PTER: variants seen among roughly 807,000 people sequenced by gnomAD.
The protein encoded by PTER is N-acetyltaurine hydrolase.
In PTER, 38 loss-of-function variants were observed where a neutral mutation model predicts 29.6. The ratio of observed to expected loss-of-function variants is 1.28; its 90% CI spans 0.99 to 1.68. The LOEUF (loss-of-function observed/expected upper bound fraction) is 1.68, where lower values mean the gene tolerates loss of function less well. Ranked by LOEUF, PTER falls within the 40% of genes most tolerant of loss-of-function variation. The probability of loss-of-function intolerance (pLI) is 0.00; values close to 1 mark genes in which losing one functional copy is unlikely to be tolerated. For missense variants in PTER, 482 were observed against 427.8 expected (o/e 1.13, Z -1.12); for synonymous variants, 172 against 154.5 (o/e 1.11, Z -0.84).
chr10:16,457,358 G>A (rs987577030), intron 1 of PTER, among the ~76,000 whole-genome samples: 1 of 151,834 alleles, frequency 6.6e-6, no homozygotes, highest in East Asian at 1.9e-4. Context: ...GACTACAGGC[G>A]CCCGCCACCA....
At chr10:16,468,701 G>T (rs1346874881) in intron 1 of PTER, among the ~76,000 whole-genome samples, 1 of 152,122 alleles carries the variant, frequency 6.6e-6, no homozygotes, top group Non-Finnish European at 1.5e-5. Flanking sequence ...GTAGCTAGGT[G>T]CAATGGCTCA....
chr10:16,476,381 C>T (rs1184640577), intron 1 of PTER, among the ~76,000 whole-genome samples: 2 of 151,940 alleles, frequency 1.3e-5, no homozygotes, highest in Non-Finnish European at 2.9e-5. Context: ...TGCCCGACCT[C>T]ATACTTTCTT....
intron 1 of PTER, among the ~76,000 whole-genome samples, chr10:16,453,468 G>A (rs1213885888): frequency 2.0e-5 from 3 of 152,204 alleles, no homozygotes; most frequent in East Asian, 1.9e-4. Context: ...TCAGCATCAC[G>A]TATTTGAAGG....
chr10:16,481,649 AT>A (rs142202267), intron 1 of PTER, among the ~76,000 whole-genome samples: 1 of 151,438 alleles, frequency 6.6e-6, no homozygotes, highest in South Asian at 2.1e-4. Context: ...TTCTTAAGTG[AT>A]TTTTTTTTCA....
rs770599953 is a variant in PTER at position 16,484,773 on chromosome 10, A to C, written c.389A>C (p.Asp130Ala). 6.2e-7 allele frequency: 1 copy of C among 1,613,228 alleles called. No homozygotes were observed. Residue 130 changes from aspartate to alanine, a missense_variant, in exon 2 of 5, where the codon GAT (aspartate) becomes GCT (alanine). Physicochemically the swap from Asp to Ala is moderately radical, Grantham distance 126. Coordinates refer to ENST00000535784, the MANE Select transcript of PTER (RefSeq NM_001261836.2). Reference sequence around the variant, plus strand: ...ATATCTGGAGCCGGGTTTTATGTGGATGCAACTCACTCCTCAGAGACCAGG... The same window carrying C: ...ATATCTGGAGCCGGGTTTTATGTGGCTGCAACTCACTCCTCAGAGACCAGG... ...HIISGAGFYVDATHSSETRAM... is the reference protein window; with the variant it reads ...HIISGAGFYVAATHSSETRAM...
intron 1 of PTER, among the ~76,000 whole-genome samples, chr10:16,476,902 T>TCTCTC (rs752273201): frequency 0.099 from 11,507 of 115,736 alleles, 935 homozygotes; most frequent in African/African-American, 0.25. Flanking sequence ...CCTAGAATTC[T>TCTCTC]TTTTTTTTTT....
intron 1 of PTER, among the ~76,000 whole-genome samples, chr10:16,444,359 C>T (rs910636943): frequency 2.0e-5 from 3 of 151,704 alleles, no homozygotes; most frequent in Admixed American, 2.0e-4. Context: ...GTGATCATAG[C>T]TCACTTGAGC....
At chr10:16,437,115 G>A (rs1833676707) in intron 1 of PTER, 68 bp downstream of exon 1, 1 of 152,314 alleles carries the variant, frequency 6.6e-6, no homozygotes. Flanking sequence ...GGGCCCGACG[G>A]CGGAGGCCGC....
chr10:16,444,955 T>TA (rs1818515860), intron 1 of PTER, among the ~76,000 whole-genome samples: 2 of 152,210 alleles, frequency 1.3e-5, no homozygotes, highest in Admixed American at 6.5e-5. Flanking sequence ...GAATGGGCTG[T>TA]AAAACACTTT....
chr10:16,506,081 A>G (rs1285875629), intron 4 of PTER, among the ~76,000 whole-genome samples: 1 of 150,314 alleles, frequency 6.7e-6, no homozygotes, highest in Non-Finnish European at 1.5e-5. Context: ...AGGAAGTCTC[A>G]GGGCAGAAGG....
At chr10:16,509,195 C>CA (rs1234878409) in intron 4 of PTER, among the ~76,000 whole-genome samples, 2 of 152,114 alleles carry the variant, frequency 1.3e-5, no homozygotes, top group East Asian at 3.8e-4. Flanking sequence ...TATAATGGCA[C>CA]AACAGGAGAG....
At chr10:16,438,578 G>C (rs1833739070) in intron 1 of PTER, among the ~76,000 whole-genome samples, 1 of 150,556 alleles carries the variant, frequency 6.6e-6, no homozygotes, top group Non-Finnish European at 1.5e-5. Context: ...CAAAGTGCTA[G>C]GATTACAGGC....
intron 1 of PTER, among the ~76,000 whole-genome samples, chr10:16,455,783 T>A (rs1170106647): frequency 6.6e-6 from 1 of 152,184 alleles, no homozygotes; most frequent in Non-Finnish European, 1.5e-5. Flanking sequence ...CCATAGAGAC[T>A]TTACCTATGA....
At chr10:16,498,455 C>T (rs1836199284) in intron 3 of PTER, among the ~76,000 whole-genome samples, 1 of 152,018 alleles carries the variant, frequency 6.6e-6, no homozygotes, top group South Asian at 2.1e-4. Context: ...TGGTGGTGGG[C>T]ACTTGTAATC....
intron 3 of PTER, among the ~76,000 whole-genome samples, chr10:16,492,793 T>C (rs1376803462): frequency 6.6e-6 from 1 of 152,160 alleles, no homozygotes; most frequent in East Asian, 1.9e-4. Context: ...TGAAGGAAAA[T>C]AGCGCATCAC....
downstream of PTER, among the ~76,000 whole-genome samples, chr10:16,514,864 G>A (rs1176327062): frequency 1.3e-5 from 2 of 152,200 alleles, no homozygotes; most frequent in Non-Finnish European, 2.9e-5. Flanking sequence ...GGATAGTGCT[G>A]TGGCAGTTTC....
intron 1 of PTER, among the ~76,000 whole-genome samples, chr10:16,437,985 T>A (rs1256470259): frequency 6.6e-6 from 1 of 152,140 alleles, no homozygotes; most frequent in Non-Finnish European, 1.5e-5. Flanking sequence ...TGGTTCCAGC[T>A]CAGTGACTTT....
At chr10:16,453,635 G>C (rs949097927) in intron 1 of PTER, among the ~76,000 whole-genome samples, 1 of 152,114 alleles carries the variant, frequency 6.6e-6, no homozygotes, top group Non-Finnish European at 1.5e-5. Flanking sequence ...TTTATACTAA[G>C]TTTATAGTAA....
intron 4 of PTER, among the ~76,000 whole-genome samples, chr10:16,510,382 A>G (rs1451910944): frequency 1.3e-5 from 2 of 152,240 alleles, no homozygotes; most frequent in African/African-American, 2.4e-5. Flanking sequence ...AGAAGACAGA[A>G]TATATTTGTA....
Sources: allele counts gnomAD v4.1 joint callset (sites outside exome capture counted in the v4.1 genomes callset), GRCh38; gene constraint gnomAD v4.1.1; transcripts MANE v1.5; gene names NCBI Gene and HGNC (gene_info 2026-07-23, HGNC 2026-07-21).